Variants in SEMA4C observed in about 807,000 individuals in gnomAD.
SEMA4C encodes semaphorin-4C.
SEMA4C carries 19 observed loss-of-function variants against 89.0 expected under a neutral mutation model. That is an observed-to-expected ratio of 0.21 (90% CI 0.15 to 0.31). The LOEUF (loss-of-function observed/expected upper bound fraction) is 0.31. SEMA4C is among the 10% of genes least tolerant of loss of function. The pLI, the probability that SEMA4C is intolerant of heterozygous loss-of-function variation, is 1.00. For synonymous variants in SEMA4C, 428 were observed against 472.7 expected (o/e 0.91, Z 1.23); for missense variants, 811 against 1,107.0 (o/e 0.73, Z 3.79).
chr2:96,860,960 C>A lies in SEMA4C; in HGVS notation c.2168G>T (p.Cys723Phe). ...CCAAAGTTTCTCATCTGGTTCAGGA[C>A]AGGGCCGGAAGGGGGGACTGGTGGG... is the stretch of plus-strand genomic sequence containing the variant. ...KEPTSPPFRPCPEPDEKLWDP... is the reference protein window; with the variant it reads ...KEPTSPPFRPFPEPDEKLWDP... The change falls in exon 15 of 15, where the codon TGT becomes TTT. Residue 723 changes from cysteine (C) to phenylalanine (F), a missense_variant. By Grantham distance (205) the Cys-to-Phe change is radical. Transcript: ENST00000305476. 2 of 1,613,064 alleles carry A rather than the reference C, an allele frequency of 1.2e-6. No homozygotes were observed. The highest frequency in any genetic ancestry group is 1.7e-6 in the Non-Finnish European group (2 of 1,180,028).
In SEMA4C at chr2:96,859,745, T is replaced by C. The variant is rs2079899680; in HGVS notation, c.*881A>G. The stretch of plus-strand genomic sequence containing the variant: ...AGCCCCATCAGAGCAATCGTTTCAT[T>C]TTCTCCATTTTATTTGTCAATATAA... On this transcript the variant is annotated 3_prime_UTR_variant, in exon 15 of 15. Coordinates refer to ENST00000305476, the MANE Select transcript of SEMA4C (RefSeq NM_017789.5). 1 of 152,198 alleles carries C rather than the reference T, an allele frequency of 6.6e-6. No individual in the cohort carries two copies. Among genetic ancestry groups the C allele is most frequent in the Non-Finnish European group, 1.5e-5 (1 of 68,026 alleles). The allele number at this position is 152,198 out of a possible 1,614,324, so 9.4% of individuals were successfully genotyped here.
chr2:96,863,976 C>T lies in SEMA4C; in HGVS notation c.1280G>A (p.Arg427Gln), dbSNP rs201203912. 1.1e-5 allele frequency: 18 copies of T among 1,613,530 alleles called. No homozygotes were observed. In the East Asian group the frequency reaches 2.2e-4, roughly 20 times the overall value. The change falls in exon 11 of 15, where the codon CGG becomes CAG. Residue 427 changes from arginine to glutamine, a missense_variant. Around this residue, in one of 4 missense-constraint regions of SEMA4C, gnomAD observed 441 missense variants for 664.9 expected, o/e 0.66. Transcript: ENST00000305476. ...GGTGGCTCCATCAAGTCCTGTAACCCGGTCGGCCACCAGGTGGGTGAAGTT... is the reference window on the plus strand; with the variant it reads ...GGTGGCTCCATCAAGTCCTGTAACCTGGTCGGCCACCAGGTGGGTGAAGTT... ...GTNFTHLVAD[R>Q]VTGLDGATYT...
chr2:96,860,128 A>G lies in SEMA4C; in HGVS notation c.*498T>C, dbSNP rs1014695650. On this transcript the variant is annotated 3_prime_UTR_variant, in exon 15 of 15. Transcript: ENST00000305476. The stretch of plus-strand genomic sequence containing the variant: ...ACAGCACCCTGTCCACCCCACCTCC[A>G]TATGTACATCGCTGCCCGACACTCG... 1 of 152,394 alleles carries G rather than the reference A, an allele frequency of 6.6e-6. No homozygotes were observed. Among genetic ancestry groups the G allele is most frequent in the African/African-American group, 2.5e-5 (1 of 40,328 alleles). The allele number at this position is 152,394 out of a possible 1,614,324, so 9.4% of individuals were successfully genotyped here. A position where few individuals can be genotyped will look rare whatever the true frequency, so the allele number is the denominator to read the frequency against.
chr2:96,861,643 T>G lies in SEMA4C; in HGVS notation c.1608A>C (p.Leu536=), dbSNP rs533056297. The G allele has an allele frequency of 6.3e-7, 1 of 1,580,872 alleles. No homozygotes were observed. The highest frequency in any genetic ancestry group is 8.6e-7 in the Non-Finnish European group (1 of 1,160,246). Residue 536 remains leucine (L), a synonymous_variant, in exon 14 of 15, where the codon CTA becomes CTC. Coordinates refer to ENST00000305476, the MANE Select transcript of SEMA4C (RefSeq NM_017789.5). This position sits in a 1 kb window ranked among gnomAD's most constrained non-coding sequence, Gnocchi z 7.8. Reference sequence around the variant, plus strand: ...CCGAGGTCATCACATGCTGGATCAGTAGAGATCTGGTAGGGGATGTAGGGT... The same window carrying G: ...CCGAGGTCATCACATGCTGGATCAGGAGAGATCTGGTAGGGGATGTAGGGT... ...CVAVGGHSGS[L]LIQHVMTSDT...
rs369939450 is a variant in SEMA4C, at chr2:96,861,678, G to A, written c.1602-29C>T. 6.3e-7 allele frequency: 1 copy of A among 1,595,210 alleles called. No individual in the cohort carries two copies. The highest frequency in any genetic ancestry group is 1.7e-5 in the Admixed American group (1 of 58,942). ...GTAGGGGATGTAGGGTACATCAGCA[G>A]CCTGGCTCCAACCACCCTGAGTCCC... is the stretch of plus-strand genomic sequence containing the variant. On this transcript the variant is annotated intron_variant, in intron 13 of 14. Coordinates refer to ENST00000305476, the MANE Select transcript of SEMA4C (RefSeq NM_017789.5). The surrounding 1 kb of genome is among the most constrained non-coding windows in gnomAD (Gnocchi z 7.8).
At chr2:96,869,555 G>T (rs1207624016) in intron 1 of SEMA4C, 1 of 985,192 alleles carries the variant, frequency 1.0e-6, no homozygotes, top group Non-Finnish European at 1.2e-6. Flanking sequence ...TCCATCGGGG[G>T]TGGGAGCGCC....
At chr2:96,870,312 C>T (rs1322172221), upstream of SEMA4C, 2 of 985,390 alleles carry the variant, frequency 2.0e-6, no homozygotes, top group South Asian at 4.7e-5. Context: ...GGCTGCGCCA[C>T]AGCGCCTGGA....
chr2:96,865,260 C>T lies in SEMA4C; in HGVS notation c.578G>A (p.Arg193His), dbSNP rs1559034979. ...CATGGAGTGGTGGGGCCCCATGTTA[C>T]GCAGGATAATGGGTTCCGTGCCCAG... The part of the protein sequence containing the change: ...NFLGTEPIIL[R>H]NMGPHHSMKT... The change falls in exon 7 of 15, where the codon CGT (arginine) becomes CAT (histidine). Residue 193 changes from arginine to histidine, a missense_variant. Around this residue, in one of 4 missense-constraint regions of SEMA4C, gnomAD observed 441 missense variants for 664.9 expected, o/e 0.66. Transcript: ENST00000305476. 4 of 1,614,032 alleles carry T rather than the reference C, an allele frequency of 2.5e-6. No homozygotes were observed. Among genetic ancestry groups the T allele is most frequent in the Non-Finnish European group, 1.7e-6 (2 of 1,179,996 alleles).
intron 6 of SEMA4C, 58 bp downstream of exon 6, chr2:96,865,383 C>T: frequency 2.5e-6 from 4 of 1,611,342 alleles, no homozygotes; most frequent in South Asian, 1.1e-5. Context: ...CCAACACAGA[C>T]CCAAGTGGAA....
intron 5 of SEMA4C, 23 bp downstream of exon 5, chr2:96,865,643 C>G (rs765677048): frequency 6.2e-7 from 1 of 1,610,918 alleles, no homozygotes; most frequent in Non-Finnish European, 8.5e-7. Flanking sequence ...CTGGGGACAC[C>G]GAGGTAGGAG....
In SEMA4C at chr2:96,861,694, C is replaced by T. The variant is rs1273517036; in HGVS notation, c.1601+43G>A. ...ACATCAGCAGCCTGGCTCCAACCAC[C>T]CTGAGTCCCTGGAGGTCCTGGCCTA... is the stretch of plus-strand genomic sequence containing the variant. On this transcript the variant is annotated intron_variant, in intron 13 of 14. Transcript: ENST00000305476. This position sits in a 1 kb window ranked among gnomAD's most constrained non-coding sequence, Gnocchi z 7.8. 1 of 1,603,316 alleles carries T rather than the reference C, an allele frequency of 6.2e-7. No individual in the cohort carries two copies. The highest frequency in any genetic ancestry group is 1.7e-5 in the Admixed American group (1 of 59,484).
chr2:96,864,993 C>T lies in SEMA4C; in HGVS notation c.757G>A (p.Val253Met), dbSNP rs750340946. The change falls in exon 8 of 15, where the codon GTG becomes ATG. Residue 253 changes from valine (V) to methionine (M), a missense_variant. Coordinates refer to ENST00000305476, the MANE Select transcript of SEMA4C (RefSeq NM_017789.5). This position sits in a 1 kb window ranked among gnomAD's most constrained non-coding sequence, Gnocchi z 6.3. Reference protein sequence around the residue: ...AVESDCYAEQVVARVARVCKG... With the variant: ...AVESDCYAEQMVARVARVCKG... ...CAGACACGGGCCACACGAGCCACCA[C>T]CTGCTCGGCATAGCAGTCGGACTCC... The T allele has an allele frequency of 5.1e-6, 8 of 1,567,996 alleles. No homozygotes were observed. Among genetic ancestry groups the T allele is most frequent in the Non-Finnish European group, 6.9e-6 (8 of 1,156,542 alleles).
Position 96,865,338 on chromosome 2 carries a change from C to G in SEMA4C, c.518-18G>C. 2 of 1,613,508 alleles carry G rather than the reference C, an allele frequency of 1.2e-6. No individual in the cohort carries two copies. Among genetic ancestry groups the G allele is most frequent in the Non-Finnish European group, 1.7e-6 (2 of 1,179,458 alleles). ...CTCACCATCTATGGGAGACAGAGGT[C>G]AGCTAGGCCACACATGAGGTATGGA... On this transcript the variant is annotated intron_variant, in intron 6 of 14. Coordinates refer to ENST00000305476, the MANE Select transcript of SEMA4C (RefSeq NM_017789.5).
chr2:96,863,914 C>A lies in SEMA4C; in HGVS notation c.1330+12G>T, dbSNP rs940402958. 1.9e-6 allele frequency: 3 copies of A among 1,602,186 alleles called. No homozygotes were observed. The highest frequency in any genetic ancestry group is 2.6e-6 in the Non-Finnish European group (3 of 1,172,400). ...GCCTTGAGCAGCCATGCCTGCATAC[C>A]CATGCACCCACCTGTGCCAATGAAC... On this transcript the variant is annotated intron_variant, in intron 11 of 14. Transcript: ENST00000305476.
intron 2 of SEMA4C, 54 bp downstream of exon 2, chr2:96,867,724 G>A (rs2080112751): frequency 8.5e-6 from 13 of 1,536,214 alleles, no homozygotes; most frequent in Non-Finnish European, 1.2e-5. Context: ...CACTATGGGG[G>A]CAACTCCTCA....
rs774937791 is a variant in SEMA4C, at chr2:96,867,893, C to T, written c.-7G>A. On this transcript the variant is annotated 5_prime_UTR_variant, in exon 2 of 15. The change creates a new upstream start codon in the 5' untranslated region. Transcript: ENST00000305476. The stretch of plus-strand genomic sequence containing the variant: ...CAGCCCAGTGTGGGGCCATGGCGCA[C>T]GCCCCGGCTCTGAGCTTCAGGCCAG... 3 of 1,613,502 alleles carry T rather than the reference C, an allele frequency of 1.9e-6. No individual in the cohort carries two copies. Among genetic ancestry groups the T allele is most frequent in the East Asian group, 2.2e-5 (1 of 44,886 alleles).
At position 96,861,227 on chromosome 2, in the gene SEMA4C, G is replaced by A. The variant is rs564221354; in HGVS notation, c.1901C>T (p.Ala634Val). The A allele has an allele frequency of 3.4e-5, 54 of 1,610,198 alleles. No homozygotes were observed. In the South Asian group the frequency reaches 4.1e-4, roughly 12 times the overall value. Residue 634 changes from alanine to valine, a missense_variant, in exon 15 of 15, where the codon GCG (alanine) becomes GTG (valine). Coordinates refer to ENST00000305476, the MANE Select transcript of SEMA4C (RefSeq NM_017789.5). The surrounding 1 kb of genome is among the most constrained non-coding windows in gnomAD (Gnocchi z 7.8). ...AAGGTAGCCTTCAGCAGCCAGCCGCGCCCCCTGCTCCTCTGAAAAGCAGTG... is the reference window on the plus strand; with the variant it reads ...AAGGTAGCCTTCAGCAGCCAGCCGCACCCCCTGCTCCTCTGAAAAGCAGTG... ...AYHCFSEEQG[A>V]RLAAEGYLVA... is the part of the protein sequence containing the mutation.
At chr2:96,870,146 G>A (rs962668893), upstream of SEMA4C, 5 of 978,638 alleles carry the variant, frequency 5.1e-6, no homozygotes, top group African/African-American at 8.8e-5. Flanking sequence ...GCGGAGGCCG[G>A]GGGCGGGCCG....
chr2:96,870,483 G>A, upstream of SEMA4C: 1 of 957,946 alleles, frequency 1.0e-6, no homozygotes, highest in South Asian at 4.8e-5. Context: ...CCACGTCGAG[G>A]CGAGTATCCA....
Sources: allele counts gnomAD v4.1 joint callset, GRCh38; gene constraint gnomAD v4.1.1; regional missense constraint gnomAD v4.1.1; non-coding constraint Gnocchi (gnomAD v3.1); transcripts MANE v1.5; gene names NCBI Gene and HGNC (gene_info 2026-07-23, HGNC 2026-07-21).